Variants in ARHGAP15 observed in about 807,000 individuals in gnomAD.
ARHGAP15 encodes the protein Rho GTPase activating protein 15.
Under a neutral mutation model 63.7 loss-of-function variants are expected in ARHGAP15, and 51 were observed. The ratio of observed to expected loss-of-function variants is 0.80; its 90% CI spans 0.64 to 1.01. The LOEUF (loss-of-function observed/expected upper bound fraction) is 1.01. Among genes scored for constraint, ARHGAP15 ranks in the 50% least tolerant of loss-of-function variants. ARHGAP15 has a pLI of 0.00. For missense variants in ARHGAP15, 560 were observed against 564.6 expected (o/e 0.99, Z 0.08); for synonymous variants, 191 against 193.8 (o/e 0.99, Z 0.12).
chr2:143,265,556 A>G (rs1680946867), intron 6 of ARHGAP15, among the ~76,000 whole-genome samples: 1 of 152,192 alleles, frequency 6.6e-6, no homozygotes, highest in South Asian at 2.1e-4. Flanking sequence ...TCATCAGTTT[A>G]GAAAAAATAT....
intron 11 of ARHGAP15, among the ~76,000 whole-genome samples, chr2:143,601,201 A>G (rs765718260): frequency 3.9e-5 from 6 of 152,082 alleles, no homozygotes; most frequent in Non-Finnish European, 8.8e-5. Context: ...TTCTCTTCAT[A>G]CTTTTTTTTA....
chr2:143,351,224 C>G (rs904079236), intron 6 of ARHGAP15: 1 of 152,104 alleles, frequency 6.6e-6, no homozygotes, highest in Admixed American at 6.6e-5. Flanking sequence ...CTATTCTTAC[C>G]ATTTTGTGTT....
chr2:143,705,143 A>G (rs1684268282), intron 13 of ARHGAP15, among the ~76,000 whole-genome samples: 1 of 152,184 alleles, frequency 6.6e-6, no homozygotes, highest in South Asian at 2.1e-4. Context: ...ATAGTATTTC[A>G]TGGTATACAC....
At chr2:143,624,333 A>G in intron 12 of ARHGAP15, 66 bp downstream of exon 12, 1 of 1,484,456 alleles carries the variant, frequency 6.7e-7, no homozygotes, top group Non-Finnish European at 9.1e-7. Flanking sequence ...TTAAGTAAAT[A>G]ATAAGAATGA....
intron 12 of ARHGAP15, among the ~76,000 whole-genome samples, chr2:143,666,421 A>G (rs1345695408): frequency 6.6e-6 from 1 of 152,118 alleles, no homozygotes; most frequent in Non-Finnish European, 1.5e-5. Flanking sequence ...AATCAATTCA[A>G]GATGGATTAA....
intron 12 of ARHGAP15, 140 bp from the exon 13 acceptor site, chr2:143,703,279 C>A (rs1684172487): frequency 1.8e-6 from 1 of 567,404 alleles, no homozygotes; most frequent in Non-Finnish European, 3.0e-6. Context: ...CAGGTTGAGT[C>A]CACCTATTCC....
chr2:143,576,124 C>G (rs1696671783), intron 11 of ARHGAP15, among the ~76,000 whole-genome samples: 1 of 152,126 alleles, frequency 6.6e-6, no homozygotes, highest in South Asian at 2.1e-4. Context: ...ATCTCTATCT[C>G]TTATTTAACT....
chr2:143,641,449 A>G (rs896902420), intron 12 of ARHGAP15, among the ~76,000 whole-genome samples: 1 of 152,144 alleles, frequency 6.6e-6, no homozygotes, highest in Middle Eastern at 3.2e-3. Flanking sequence ...AGATGGCTAG[A>G]ATAAGGTATC....
chr2:143,593,028 A>G (rs1697381742), intron 11 of ARHGAP15, among the ~76,000 whole-genome samples: 2 of 152,218 alleles, frequency 1.3e-5, no homozygotes. Flanking sequence ...GAGAGCCTGA[A>G]GAAGATGTGG....
At chr2:143,724,742 G>C (rs1685207161) in intron 13 of ARHGAP15, among the ~76,000 whole-genome samples, 1 of 152,172 alleles carries the variant, frequency 6.6e-6, no homozygotes, top group Non-Finnish European at 1.5e-5. Context: ...AAAAAGGATG[G>C]AGTTAAACAC....
At chr2:143,531,395 A>G (rs1255719505) in intron 10 of ARHGAP15, among the ~76,000 whole-genome samples, 1 of 152,188 alleles carries the variant, frequency 6.6e-6, no homozygotes, top group Non-Finnish European at 1.5e-5. Flanking sequence ...GGCTTTTTCT[A>G]GCATTCACTG....
chr2:143,311,911 G>A (rs935415909), intron 6 of ARHGAP15, among the ~76,000 whole-genome samples: 8 of 152,110 alleles, frequency 5.3e-5, no homozygotes, highest in Admixed American at 5.2e-4. Context: ...TTATGTGTTG[G>A]AATGGCAATG....
chr2:143,513,092 A>G (rs916618984), intron 9 of ARHGAP15, among the ~76,000 whole-genome samples: 5 of 152,212 alleles, frequency 3.3e-5, no homozygotes, highest in African/African-American at 1.2e-4. Context: ...TTGGGTGAGT[A>G]CAGCAAGTTT....
At chr2:143,205,430 T>A (rs562741396) in intron 3 of ARHGAP15, among the ~76,000 whole-genome samples, 1 of 152,276 alleles carries the variant, frequency 6.6e-6, no homozygotes, top group Admixed American at 6.5e-5. Flanking sequence ...TTTAGTTCTA[T>A]GAGGGCAAGG....
At chr2:143,463,385 T>C (rs1427834785) in intron 8 of ARHGAP15, among the ~76,000 whole-genome samples, 1 of 152,122 alleles carries the variant, frequency 6.6e-6, no homozygotes, top group South Asian at 2.1e-4. Flanking sequence ...CTACTAAAAA[T>C]AGAAAAATTA....
At chr2:143,555,862 GAATAGAATAGAAT>G (rs1695767301) in intron 10 of ARHGAP15, among the ~76,000 whole-genome samples, 1 of 20,978 alleles carries the variant, frequency 4.8e-5, no homozygotes, top group African/African-American at 2.7e-4. Flanking sequence ...AGGAAAACAA[GAATAGAATAGAAT>G]AGAATAGAAT....
At position 143,140,575 on chromosome 2, in the gene ARHGAP15, T is replaced by C. The variant is rs549156596; in HGVS notation, c.-15+11109T>C. On this transcript the variant is annotated intron_variant, in intron 1 of 13. Transcript: ENST00000295095. The stretch of plus-strand genomic sequence containing the variant: ...TAGATAGTCCACAAGACAGATCTAC[T>C]AGGGTCCTAGAAAAATAATTCTGAG... Among the ~76,000 whole-genome samples the C allele has an allele frequency of 7.9e-5, 12 of 152,246 alleles. No homozygotes were observed. The East Asian group carries it at 2.3e-3, about 30-fold the overall frequency.
chr2:143,373,476 A>G (rs939706562), intron 6 of ARHGAP15, among the ~76,000 whole-genome samples: 2 of 151,832 alleles, frequency 1.3e-5, no homozygotes, highest in Non-Finnish European at 2.9e-5. Flanking sequence ...TAAAAATACA[A>G]AAAATTAGCT....
intron 6 of ARHGAP15, among the ~76,000 whole-genome samples, chr2:143,393,153 T>C (rs370785128): frequency 1.3e-5 from 2 of 152,082 alleles, no homozygotes; most frequent in South Asian, 4.1e-4. Flanking sequence ...AAGTTAAACC[T>C]AGACAGCTCA....
Sources: gnomAD v4.1 joint callset for allele counts (sites outside exome capture counted in the v4.1 genomes callset) on GRCh38, gnomAD v4.1.1 for gene constraint, MANE v1.5 for transcripts, NCBI Gene and HGNC (gene_info 2026-07-23, HGNC 2026-07-21) for gene names.